DPP6: variants seen among roughly 807,000 people sequenced by gnomAD.
DPP6 encodes A-type potassium channel modulatory protein DPP6.
DPP6 carries 69 observed loss-of-function variants against 122.6 expected under a neutral mutation model. That is an observed-to-expected ratio of 0.56 (90% CI 0.46 to 0.69). The LOEUF is 0.69. Among genes scored for constraint, DPP6 ranks in the 30% least tolerant of loss-of-function variants. The probability of loss-of-function intolerance (pLI) is 0.00; values close to 1 mark genes in which losing one functional copy is unlikely to be tolerated. For missense variants in DPP6, 928 were observed against 1,116.9 expected, an observed-to-expected ratio of 0.83 and a Z score of 2.41; for synonymous variants, 418 against 433.1, an observed-to-expected ratio of 0.97 and a Z score of 0.43.
intron 7 of DPP6, among the ~76,000 whole-genome samples, chr7:154,709,586 C>CTTTTTTTTTTT (rs3080667): frequency 7.1e-6 from 1 of 141,590 alleles, no homozygotes. Context: ...CGACATTTTT[C>CTTTTTTTTTTT]TTTTTTTTTT....
At chr7:153,895,556 G>A (rs569731000) in intron 1 of DPP6, among the ~76,000 whole-genome samples, 15 of 152,218 alleles carry the variant, frequency 9.9e-5, no homozygotes, top group South Asian at 4.1e-4. Context: ...CTCTCAGCTC[G>A]CCAGTCTTGT....
chr7:154,356,507 G>A (rs888312858), intron 1 of DPP6, among the ~76,000 whole-genome samples: 8 of 152,044 alleles, frequency 5.3e-5, no homozygotes, highest in Admixed American at 5.2e-4. Flanking sequence ...GTTTGAGGTT[G>A]TAGTGAGCTG....
intron 1 of DPP6, among the ~76,000 whole-genome samples, chr7:154,060,040 G>T (rs1481331940): frequency 2.6e-5 from 4 of 151,314 alleles, no homozygotes; most frequent in Admixed American, 6.6e-5. Context: ...GCGAGGCGGG[G>T]ACTCAGAGCC....
At chr7:153,995,207 A>G (rs775072248) in intron 1 of DPP6, among the ~76,000 whole-genome samples, 36 of 152,328 alleles carry the variant, frequency 2.4e-4, no homozygotes, top group Middle Eastern at 6.8e-3. Context: ...TATTCACAGT[A>G]GCCACTGATA....
At chr7:154,339,126 G>A (rs989356966) in intron 1 of DPP6, among the ~76,000 whole-genome samples, 6 of 152,196 alleles carry the variant, frequency 3.9e-5, no homozygotes. Context: ...GGTGGTCACT[G>A]CATGTAATCA....
intron 10 of DPP6, among the ~76,000 whole-genome samples, chr7:154,775,995 C>T (rs938615618): frequency 2.6e-5 from 4 of 152,124 alleles, no homozygotes; most frequent in Admixed American, 2.0e-4. Flanking sequence ...TGCAACCCCC[C>T]GCCGTTCCCC....
chr7:154,160,062 A>C (rs1796900659), intron 1 of DPP6, among the ~76,000 whole-genome samples: 3 of 152,144 alleles, frequency 2.0e-5, no homozygotes, highest in Admixed American at 2.0e-4. Flanking sequence ...GTGAGCCCTG[A>C]TCATACCACT....
At chr7:153,988,920 G>T (rs1422501876) in intron 1 of DPP6, among the ~76,000 whole-genome samples, 1 of 149,062 alleles carries the variant, frequency 6.7e-6, no homozygotes, top group African/African-American at 2.5e-5. Flanking sequence ...GGGCCAGCGC[G>T]CCGGGAGTGG....
At chr7:154,197,087 C>T (rs912408011) in intron 1 of DPP6, among the ~76,000 whole-genome samples, 1 of 151,966 alleles carries the variant, frequency 6.6e-6, no homozygotes, top group African/African-American at 2.4e-5. Context: ...TAACCAGATA[C>T]TGCTTTGTGT....
At chr7:154,445,103 A>G (rs1819744268) in intron 1 of DPP6, among the ~76,000 whole-genome samples, 1 of 152,232 alleles carries the variant, frequency 6.6e-6, no homozygotes, top group African/African-American at 2.4e-5. Context: ...GCAATTTGAC[A>G]CATTCTAAAG....
chr7:153,924,622 G>A (rs1800803708), intron 1 of DPP6, among the ~76,000 whole-genome samples: 1 of 152,162 alleles, frequency 6.6e-6, no homozygotes, highest in African/African-American at 2.4e-5. Flanking sequence ...TCTGCTTTTA[G>A]ATCAGTGCTT....
intron 1 of DPP6, among the ~76,000 whole-genome samples, chr7:154,408,986 TA>T (rs915518708): frequency 1.3e-5 from 2 of 151,782 alleles, no homozygotes; most frequent in Non-Finnish European, 2.9e-5. Context: ...ACTAAAAAAG[TA>T]AAAAAATTAG....
intron 17 of DPP6, among the ~76,000 whole-genome samples, chr7:154,859,448 G>C (rs990181804): frequency 6.6e-6 from 1 of 152,238 alleles, no homozygotes; most frequent in African/African-American, 2.4e-5. Context: ...AGCAAAGGGG[G>C]CTCTGGAAGG....
intron 1 of DPP6, among the ~76,000 whole-genome samples, chr7:154,039,099 C>T (rs982619405): frequency 1.9e-4 from 7 of 36,188 alleles, no homozygotes; most frequent in Non-Finnish European, 2.9e-4. Context: ...GGACTTTTCC[C>T]TTATAAGACA....
At chr7:153,924,349 T>C (rs1197821133) in intron 1 of DPP6, among the ~76,000 whole-genome samples, 1 of 152,072 alleles carries the variant, frequency 6.6e-6, no homozygotes, top group Non-Finnish European at 1.5e-5. Context: ...CCTTGTGATC[T>C]GCCTGCCTCA....
At chr7:154,648,642 G>T (rs1031859367) in intron 6 of DPP6, among the ~76,000 whole-genome samples, 5 of 152,086 alleles carry the variant, frequency 3.3e-5, no homozygotes, top group Non-Finnish European at 5.9e-5. Flanking sequence ...GCTTTCGGCC[G>T]GGCGTGGTGG....
intron 1 of DPP6, among the ~76,000 whole-genome samples, chr7:154,192,534 T>C (rs1002717314): frequency 6.6e-6 from 1 of 152,184 alleles, no homozygotes; most frequent in African/African-American, 2.4e-5. Context: ...AAAGAAACCA[T>C]AGTAAGGTGT....
rs925150259 is a variant in DPP6, at chr7:153,914,733, C to T, written c.51+26999C>T. Among the ~76,000 whole-genome samples, 9 of 152,222 alleles carry T rather than the reference C, an allele frequency of 5.9e-5. No homozygotes were observed. In the East Asian group the frequency reaches 1.4e-3, roughly 23 times the overall value. ...TCTTCTTTACAGATAAAGACATCAG[C>T]GTTCGGAGAGATTGAGACTGCCTTT... On this transcript the variant is annotated intron_variant, in intron 1 of 25. Coordinates refer to the DPP6 transcript ENST00000404039.
chr7:154,204,401 C>G (rs1049959472), intron 1 of DPP6, among the ~76,000 whole-genome samples: 1 of 152,184 alleles, frequency 6.6e-6, no homozygotes, highest in Non-Finnish European at 1.5e-5. Flanking sequence ...CACTCAAGAT[C>G]CCTGCTTATT....
Sources: gnomAD v4.1 joint callset for allele counts (sites outside exome capture counted in the v4.1 genomes callset) on GRCh38, gnomAD v4.1.1 for gene constraint, MANE v1.5 for transcripts, NCBI Gene and HGNC (gene_info 2026-07-23, HGNC 2026-07-21) for gene names.